The following EBF1 variants were observed in gnomAD, a reference collection of about 807,000 sequenced individuals.
EBF1 encodes the protein EBF transcription factor 1, also known as transcription factor COE1.
In EBF1, 10 loss-of-function variants were observed where a neutral mutation model predicts 68.4. The observed-to-expected ratio is 0.15, with a 90% confidence interval of 0.09 to 0.25. The LOEUF is 0.25. Among genes scored for constraint, EBF1 ranks in the 10% least tolerant of loss-of-function variants. The pLI is 1.00. For missense variants in EBF1, 509 were observed against 794.4 expected (o/e 0.64, Z 4.32); for synonymous variants, 298 against 299.8 (o/e 0.99, Z 0.06).
At chr5:158,838,848 G>A (rs1314141363) in intron 7 of EBF1, among the ~76,000 whole-genome samples, 2 of 151,770 alleles carry the variant, frequency 1.3e-5, no homozygotes, top group Non-Finnish European at 2.9e-5. Flanking sequence ...TAAATGGATC[G>A]TTGCTCTGAC....
intron 10 of EBF1, among the ~76,000 whole-genome samples, chr5:158,751,755 T>C (rs886826212): frequency 1.3e-5 from 2 of 152,132 alleles, no homozygotes; most frequent in Non-Finnish European, 2.9e-5. Context: ...TAAGTACTTA[T>C]CCATTAAATG....
chr5:158,799,022 T>C (rs773763421), intron 8 of EBF1, among the ~76,000 whole-genome samples: 70 of 152,100 alleles, frequency 4.6e-4, no homozygotes, highest in Non-Finnish European at 9.1e-4. Flanking sequence ...CATATTAGTC[T>C]TGAGGGGAAG....
At chr5:158,763,261 G>A (rs185067838) in intron 10 of EBF1, among the ~76,000 whole-genome samples, 5 of 152,184 alleles carry the variant, frequency 3.3e-5, no homozygotes, top group African/African-American at 1.2e-4. Flanking sequence ...TGCAGCAGGG[G>A]ACAGTATATT....
At chr5:158,731,024 C>T (rs374747069) in intron 11 of EBF1, 45 bp downstream of exon 11, 22 of 1,578,428 alleles carry the variant, frequency 1.4e-5, no homozygotes, top group Non-Finnish European at 1.4e-5. Flanking sequence ...CTGCAAATCG[C>T]TCAAGTCCAA....
chr5:158,803,698 G>C (rs1359891952), intron 8 of EBF1, among the ~76,000 whole-genome samples: 1 of 151,894 alleles, frequency 6.6e-6, no homozygotes, highest in African/African-American at 2.4e-5. Flanking sequence ...AAATTTGACA[G>C]TTTCCTCATG....
At chr5:159,098,319 T>C (rs2128014834) in intron 1 of EBF1, among the ~76,000 whole-genome samples, 1 of 152,288 alleles carries the variant, frequency 6.6e-6, no homozygotes, top group South Asian at 2.1e-4. Flanking sequence ...CCACACAGTC[T>C]AGTGTCTAGG....
At chr5:158,898,905 T>C (rs1802711730) in intron 6 of EBF1, among the ~76,000 whole-genome samples, 1 of 152,026 alleles carries the variant, frequency 6.6e-6, no homozygotes, top group African/African-American at 2.4e-5. Context: ...AAAACAGCCC[T>C]CCCTCCCTAC....
chr5:158,977,729 T>C (rs1005169758), intron 6 of EBF1, among the ~76,000 whole-genome samples: 7 of 152,210 alleles, frequency 4.6e-5, no homozygotes, highest in African/African-American at 1.7e-4. Context: ...TAGGGAAATA[T>C]ACTCTGTGAC....
At chr5:158,760,130 G>C (rs898372049) in intron 10 of EBF1, among the ~76,000 whole-genome samples, 2 of 152,138 alleles carry the variant, frequency 1.3e-5, no homozygotes, top group Non-Finnish European at 2.9e-5. Context: ...TAAATTCACG[G>C]TTATCACAAA....
chr5:158,789,335 T>C (rs1437500203), intron 9 of EBF1, among the ~76,000 whole-genome samples: 1 of 152,196 alleles, frequency 6.6e-6, no homozygotes, highest in Non-Finnish European at 1.5e-5. Flanking sequence ...TTGTATTACA[T>C]TTCTATCATG....
Position 158,996,120 on chromosome 5 carries a change from C to T in EBF1, c.554+77276G>A, listed in dbSNP as rs181779214. Reference sequence around the variant, plus strand: ...GACCTCATGGCTTTCAGGAGCATTACACAGGACTTATCTGGAATTCACTCT... The same window carrying T: ...GACCTCATGGCTTTCAGGAGCATTATACAGGACTTATCTGGAATTCACTCT... On this transcript the variant is annotated intron_variant, in intron 6 of 15. Coordinates refer to ENST00000313708, the MANE Select transcript of EBF1 (RefSeq NM_024007.5). 9.7e-4 allele frequency among the ~76,000 whole-genome samples: 147 copies of T among 152,256 alleles called. 1 individual carries two copies. Among genetic ancestry groups the T allele is most frequent in the African/African-American group, 3.3e-3 (139 of 41,554 alleles).
chr5:158,767,666 C>T (rs1245003058), intron 10 of EBF1, among the ~76,000 whole-genome samples: 1 of 150,404 alleles, frequency 6.6e-6, no homozygotes, highest in Non-Finnish European at 1.5e-5. Flanking sequence ...TTGTAGAGAA[C>T]AAGAAGACTG....
intron 8 of EBF1, among the ~76,000 whole-genome samples, chr5:158,818,360 G>C (rs2127831255): frequency 6.6e-6 from 1 of 152,332 alleles, no homozygotes; most frequent in Admixed American, 6.5e-5. Flanking sequence ...AATGGTGCTG[G>C]ACACCCAGGG....
intron 6 of EBF1, among the ~76,000 whole-genome samples, chr5:159,008,450 T>C (rs924294244): frequency 3.6e-5 from 5 of 138,886 alleles, no homozygotes; most frequent in Non-Finnish European, 8.2e-5. Context: ...ACACCTCAAA[T>C]GCATTTATCT....
At chr5:159,093,614 A>G (rs541450348) in intron 4 of EBF1, among the ~76,000 whole-genome samples, 39 of 152,284 alleles carry the variant, frequency 2.6e-4, no homozygotes, top group African/African-American at 9.4e-4. Flanking sequence ...CCTTGTTAGT[A>G]AAATGATATT....
At chr5:159,096,290 C>A in intron 3 of EBF1, 53 bp downstream of exon 3, 1 of 1,581,608 alleles carries the variant, frequency 6.3e-7, no homozygotes, top group Non-Finnish European at 8.6e-7. Context: ...CCTGCGCCCC[C>A]TGCCCAGACC....
At chr5:158,814,664 T>C (rs957261537) in intron 8 of EBF1, among the ~76,000 whole-genome samples, 2 of 152,154 alleles carry the variant, frequency 1.3e-5, no homozygotes, top group East Asian at 3.9e-4. Context: ...CATCATCTCA[T>C]CATTTTCTCA....
At chr5:158,983,516 C>T (rs1583659224) in intron 6 of EBF1, 2 of 152,154 alleles carry the variant, frequency 1.3e-5, no homozygotes, top group East Asian at 1.9e-4. Flanking sequence ...ACTAATTAAG[C>T]AATAAGCTCA....
chr5:158,984,472 T>C (rs982365977), intron 6 of EBF1, among the ~76,000 whole-genome samples: 3 of 152,116 alleles, frequency 2.0e-5, no homozygotes, highest in Non-Finnish European at 2.9e-5. Flanking sequence ...ACAATTCTAA[T>C]GGTACAAGGA....
Sources: gnomAD v4.1 joint callset for allele counts (sites outside exome capture counted in the v4.1 genomes callset) on GRCh38, gnomAD v4.1.1 for gene constraint, MANE v1.5 for transcripts, NCBI Gene and HGNC (gene_info 2026-07-23, HGNC 2026-07-21) for gene names.